BCL11B: variants seen among roughly 807,000 people sequenced by gnomAD.
The protein encoded by BCL11B is B-cell lymphoma/leukemia 11B.
BCL11B carries 8 observed loss-of-function variants against 49.9 expected under a neutral mutation model. The ratio of observed to expected loss-of-function variants is 0.16; its 90% CI spans 0.09 to 0.29. The LOEUF is 0.29. BCL11B is among the 10% of genes least tolerant of loss of function. The probability of loss-of-function intolerance (pLI) is 1.00; values close to 1 mark genes in which losing one functional copy is unlikely to be tolerated. For synonymous variants in BCL11B, 739 were observed against 637.4 expected (o/e 1.16, Z -2.40); for missense variants, 1,006 against 1,351.0 (o/e 0.74, Z 4.00).
intron 1 of BCL11B, 141 bp downstream of exon 1, chr14:99,271,020 C>T (rs981591999): frequency 6.3e-5 from 55 of 878,854 alleles, no homozygotes; most frequent in Non-Finnish European, 1.8e-5. Flanking sequence ...CGCCATGCTC[C>T]AGGCCGACGC....
intron 3 of BCL11B, among the ~76,000 whole-genome samples, chr14:99,220,077 A>G (rs1887964087): frequency 6.6e-6 from 1 of 152,194 alleles, no homozygotes; most frequent in African/African-American, 2.4e-5. Flanking sequence ...ACAGTCCAAA[A>G]AACACTAAAA....
rs796227882 is a variant in BCL11B, at chr14:99,182,075, C to T, written c.641-5880G>A. Among the ~76,000 whole-genome samples, 4 of 152,340 alleles carry T rather than the reference C, an allele frequency of 2.6e-5. No homozygotes were observed. The South Asian group carries it at 8.3e-4, about 32-fold the overall frequency. On this transcript the variant is annotated intron_variant, in intron 3 of 3. Transcript: ENST00000357195. ...CGTGTCTATATCATTCTGGGCACAG[C>T]CATCTGCAGAATTGATAACCATCCC... is the stretch of plus-strand genomic sequence containing the variant.
intron 3 of BCL11B, among the ~76,000 whole-genome samples, chr14:99,210,610 T>A (rs985961778): frequency 6.6e-6 from 1 of 152,164 alleles, no homozygotes; most frequent in Non-Finnish European, 1.5e-5. Flanking sequence ...ACCAAGAAAC[T>A]GACTTCCCCA....
chr14:99,248,606 C>T lies in BCL11B; in HGVS notation c.427+8865G>A, dbSNP rs923642293. 4.6e-5 allele frequency among the ~76,000 whole-genome samples: 7 copies of T among 152,198 alleles called. No individual in the cohort carries two copies. The highest frequency in any genetic ancestry group is 1.7e-4 in the African/African-American group (7 of 41,442). On this transcript the variant is annotated intron_variant, in intron 2 of 3. Transcript: ENST00000357195. The surrounding 1 kb of genome is among the most constrained non-coding windows in gnomAD (Gnocchi z 4.7). The stretch of plus-strand genomic sequence containing the variant: ...CTCACGGTGAGTGGACCAAATTCTC[C>T]CATAAGGATCTTCACAGCCTGGGGC...
At chr14:99,180,163 G>T (rs1187314671) in intron 3 of BCL11B, among the ~76,000 whole-genome samples, 1 of 152,150 alleles carries the variant, frequency 6.6e-6, no homozygotes, top group African/African-American at 2.4e-5. Context: ...GTGGAGAGGG[G>T]TGACAACTTT....
At chr14:99,201,746 C>T (rs535051075) in intron 3 of BCL11B, among the ~76,000 whole-genome samples, 5 of 152,188 alleles carry the variant, frequency 3.3e-5, no homozygotes, top group Non-Finnish European at 7.3e-5. Flanking sequence ...CCACTGTGCC[C>T]ACCTGGGAAT....
intron 3 of BCL11B, among the ~76,000 whole-genome samples, chr14:99,221,872 G>A (rs987244558): frequency 6.6e-6 from 1 of 152,190 alleles, no homozygotes; most frequent in Non-Finnish European, 1.5e-5. Context: ...CTGGACCCTA[G>A]GGTCTAGCCC....
At chr14:99,200,432 G>C (rs1887344547) in intron 3 of BCL11B, among the ~76,000 whole-genome samples, 1 of 152,240 alleles carries the variant, frequency 6.6e-6, no homozygotes, top group Non-Finnish European at 1.5e-5. Flanking sequence ...CAGTGCCCCA[G>C]ATCACAGGCA....
intron 3 of BCL11B, among the ~76,000 whole-genome samples, chr14:99,209,970 G>A (rs978781005): frequency 6.6e-6 from 1 of 152,068 alleles, no homozygotes; most frequent in South Asian, 2.1e-4. Flanking sequence ...TGAGCCCCCC[G>A]AGACTCTCAT....
rs1448385933 is a variant in BCL11B at position 99,247,836 on chromosome 14, C to A, written c.427+9635G>T. ...TTGCCTGCACCTTTGAGGTTGTGTCCACACCCGCAACCTGAAGGCCATGGA... is the reference window on the plus strand; with the variant it reads ...TTGCCTGCACCTTTGAGGTTGTGTCAACACCCGCAACCTGAAGGCCATGGA... On this transcript the variant is annotated intron_variant, in intron 2 of 3. Transcript: ENST00000357195. This position sits in a 1 kb window ranked among gnomAD's most constrained non-coding sequence, Gnocchi z 4.5. 6.6e-6 allele frequency among the ~76,000 whole-genome samples: 1 copy of A among 152,196 alleles called. No individual in the cohort carries two copies. The highest frequency in any genetic ancestry group is 1.5e-5 in the Non-Finnish European group (1 of 68,032).
intron 2 of BCL11B, among the ~76,000 whole-genome samples, chr14:99,253,523 C>G (rs909578980): frequency 6.6e-6 from 1 of 152,180 alleles, no homozygotes; most frequent in Non-Finnish European, 1.5e-5. Context: ...AGGCACTCAT[C>G]ATAAATGTCA....
intron 2 of BCL11B, among the ~76,000 whole-genome samples, chr14:99,246,483 C>G (rs569284044): frequency 1.1e-3 from 166 of 152,322 alleles, no homozygotes; most frequent in African/African-American, 3.9e-3. Context: ...GGAACAGTGC[C>G]GAGGAGCCTC....
chr14:99,178,047 G>T (rs772795015), intron 3 of BCL11B, among the ~76,000 whole-genome samples: 1 of 152,104 alleles, frequency 6.6e-6, no homozygotes. Context: ...CCAAGACATC[G>T]CATGCCTGCA....
At chr14:99,210,192 G>A (rs1296249838) in intron 3 of BCL11B, among the ~76,000 whole-genome samples, 1 of 152,198 alleles carries the variant, frequency 6.6e-6, no homozygotes, top group Admixed American at 6.5e-5. Context: ...ATAGGAGGGA[G>A]CAATGGAGGC....
chr14:99,180,107 C>T (rs573964745), intron 3 of BCL11B, among the ~76,000 whole-genome samples: 1 of 152,300 alleles, frequency 6.6e-6, no homozygotes, highest in South Asian at 2.1e-4. Context: ...CACCCCCCTC[C>T]AGGAACTGAG....
At chr14:99,269,515 TCC>T (rs61216322) in intron 1 of BCL11B, among the ~76,000 whole-genome samples, 8 of 120,626 alleles carry the variant, frequency 6.6e-5, no homozygotes, top group African/African-American at 2.0e-4. Context: ...TAATTTCTAT[TCC>T]CCCCCCCCCA....
At chr14:99,267,336 G>A (rs1889512366) in intron 1 of BCL11B, among the ~76,000 whole-genome samples, 1 of 152,086 alleles carries the variant, frequency 6.6e-6, no homozygotes, top group Admixed American at 6.6e-5. Context: ...TTCAGGTAGG[G>A]AAAAAAGACC....
In BCL11B at chr14:99,231,881, C is replaced by A. The variant is rs1256720302; in HGVS notation, c.428-324G>T. Among the ~76,000 whole-genome samples, 2 of 151,824 alleles carry A rather than the reference C, an allele frequency of 1.3e-5. No homozygotes were observed. The highest frequency in any genetic ancestry group is 4.8e-5 in the African/African-American group (2 of 41,346). On this transcript the variant is annotated intron_variant, in intron 2 of 3. Transcript: ENST00000357195. The surrounding 1 kb of genome is among the most constrained non-coding windows in gnomAD (Gnocchi z 8.1). Reference sequence around the variant, plus strand: ...TGTGAGGACCCACTCTCAGGAAGGACCCCCCACGTGGGGGCCTCTGGAGCA... The same window carrying A: ...TGTGAGGACCCACTCTCAGGAAGGAACCCCCACGTGGGGGCCTCTGGAGCA...
At chr14:99,217,488 AT>A (rs1402833618) in intron 3 of BCL11B, among the ~76,000 whole-genome samples, 1 of 152,086 alleles carries the variant, frequency 6.6e-6, no homozygotes, top group African/African-American at 2.4e-5. Context: ...CAGGGAGAAA[AT>A]TACATGAGGC....
Sources: gnomAD v4.1 joint callset for allele counts (sites outside exome capture counted in the v4.1 genomes callset) on GRCh38, gnomAD v4.1.1 for gene constraint, Gnocchi (gnomAD v3.1) non-coding constraint, MANE v1.5 for transcripts, NCBI Gene and HGNC (gene_info 2026-07-23, HGNC 2026-07-21) for gene names.